The following TTC6 variants were observed in gnomAD, a reference collection of about 807,000 sequenced individuals.
TTC6 encodes tetratricopeptide repeat domain 6, also known as tetratricopeptide repeat protein 6.
Under a neutral mutation model 210.4 loss-of-function variants are expected in TTC6, and 172 were observed. The observed-to-expected ratio is 0.82, with a 90% CI of 0.72 to 0.93. The LOEUF (loss-of-function observed/expected upper bound fraction) is 0.93, where lower values mean the gene tolerates loss of function less well. Ranked by LOEUF, TTC6 falls within the 40% of genes least tolerant of loss-of-function variation. The probability of loss-of-function intolerance (pLI) is 0.00; values close to 1 mark genes in which losing one functional copy is unlikely to be tolerated. For synonymous variants in TTC6, 804 were observed against 819.6 expected, an observed-to-expected ratio of 0.98 and a Z score of 0.32; for missense variants, 2,414 against 2,318.1, an observed-to-expected ratio of 1.04 and a Z score of -0.85.
chr14:37,808,764 C>T, exon 24 of TTC6: 1 of 1,517,864 alleles, frequency 6.6e-7, no homozygotes, highest in Middle Eastern at 1.7e-4. Context: ...GATTTAACTA[C>T]AGCTATCAGC....
intron 1 of TTC6, among the ~76,000 whole-genome samples, chr14:37,655,488 T>C (rs2095720604): frequency 1.3e-5 from 2 of 152,224 alleles, no homozygotes; most frequent in African/African-American, 4.8e-5. Flanking sequence ...CCAAGCAGTC[T>C]TAACCTTTTT....
chr14:37,714,556 T>A (rs2138759820), intron 5 of TTC6, 99 bp from the exon 8 acceptor site: 1 of 907,394 alleles, frequency 1.1e-6, no homozygotes, highest in South Asian at 2.2e-5. Flanking sequence ...ATGTCAAATG[T>A]CCATGTGTTT....
At chr14:37,622,285 G>T (rs1012056279) in exon 1 of TTC6, 9 of 1,534,974 alleles carry the variant, frequency 5.9e-6, no homozygotes, top group Middle Eastern at 1.7e-4. Flanking sequence ...CGGACGTCGA[G>T]AAGATACCCT....
At chr14:37,825,359 C>T (rs921455976) in intron 27 of TTC6, among the ~76,000 whole-genome samples, 2 of 152,136 alleles carry the variant, frequency 1.3e-5, no homozygotes, top group African/African-American at 4.8e-5. Flanking sequence ...GGTCAGGAAA[C>T]AGGGTCTTGT....
At chr14:37,723,151 A>AT (rs1375991505) in intron 6 of TTC6, among the ~76,000 whole-genome samples, 8 of 151,860 alleles carry the variant, frequency 5.3e-5, no homozygotes, top group South Asian at 2.1e-4. Context: ...TCATTGTGGG[A>AT]TTTTTTTTAG....
At chr14:37,682,570 C>A (rs560335706) in intron 2 of TTC6, among the ~76,000 whole-genome samples, 188 bp from the exon 5 acceptor site, 5 of 152,048 alleles carry the variant, frequency 3.3e-5, no homozygotes, top group South Asian at 2.1e-4. Flanking sequence ...AATTTGCCAG[C>A]CTTGACATTT....
At chr14:37,726,517 T>A (rs2095873326) in intron 7 of TTC6, among the ~76,000 whole-genome samples, 1 of 152,188 alleles carries the variant, frequency 6.6e-6, no homozygotes, top group Admixed American at 6.5e-5. Context: ...AGGCCATATT[T>A]TATTTTTAAT....
At chr14:37,682,994 A>T in intron 3 of TTC6, 30 bp downstream of exon 5, 1 of 1,524,382 alleles carries the variant, frequency 6.6e-7, no homozygotes, top group South Asian at 1.2e-5. Flanking sequence ...GGAAACACCT[A>T]AGAGTTATGA....
chr14:37,720,449 A>G lies in TTC6; in HGVS notation c.1714-4449A>G, dbSNP rs181093360. On this transcript the variant is annotated intron_variant, in intron 6 of 30. Coordinates refer to ENST00000553443, the Ensembl canonical transcript of TTC6. ...ATCACAGCTTTATTAATAGAAGCCA[A>G]ACTCTCTGTGGGCTTCTCACAGTGT... is the stretch of plus-strand genomic sequence containing the variant. The G allele has an allele frequency of 7.9e-5, 12 of 152,188 alleles. No individual in the cohort carries two copies. In the East Asian group the frequency reaches 2.3e-3, roughly 29 times the overall value. The allele number at this position is 152,188 out of a possible 1,614,324, so 9.4% of individuals were successfully genotyped here.
At chr14:37,741,081 G>A (rs74731421) in intron 10 of TTC6, among the ~76,000 whole-genome samples, 3,862 of 152,158 alleles carry the variant, frequency 0.025, 80 homozygotes, top group South Asian at 0.083. Flanking sequence ...GGAACCATAG[G>A]ATGAACCTTT....
chr14:37,622,941 G>A, exon 1 of TTC6: 1 of 1,531,270 alleles, frequency 6.5e-7, no homozygotes, highest in Non-Finnish European at 8.7e-7. Context: ...GCTGGCCTCC[G>A]ACCAGACCAT....
At chr14:37,723,760 T>C (rs957154478) in intron 6 of TTC6, among the ~76,000 whole-genome samples, 1 of 152,134 alleles carries the variant, frequency 6.6e-6, no homozygotes, top group Non-Finnish European at 1.5e-5. Context: ...TTGGGTGAGA[T>C]TGTTTCATAC....
intron 15 of TTC6, among the ~76,000 whole-genome samples, 174 bp downstream of exon 17, chr14:37,787,811 G>T (rs2096071257): frequency 6.6e-6 from 1 of 151,282 alleles, no homozygotes; most frequent in South Asian, 2.1e-4. Context: ...TTCTTATATA[G>T]GTATACAATA....
At chr14:37,649,443 C>T (rs555228396) in intron 1 of TTC6, among the ~76,000 whole-genome samples, 1 of 152,162 alleles carries the variant, frequency 6.6e-6, no homozygotes. Flanking sequence ...GTTTTCTTCA[C>T]GTCCCTGCCA....
At chr14:37,622,653 C>T (rs911243174) in exon 1 of TTC6, 1 of 1,535,158 alleles carries the variant, frequency 6.5e-7, no homozygotes, top group Non-Finnish European at 8.7e-7. Flanking sequence ...TCTCGCAGGG[C>T]CCTGCATGGC....
At chr14:37,770,283 A>T (rs994457172) in intron 14 of TTC6, among the ~76,000 whole-genome samples, 1 of 152,072 alleles carries the variant, frequency 6.6e-6, no homozygotes, top group Non-Finnish European at 1.5e-5. Flanking sequence ...TATTCTGTTG[A>T]TTTGGGGTGG....
chr14:37,832,908 A>G (rs1287998523), intron 29 of TTC6, among the ~76,000 whole-genome samples: 1 of 152,090 alleles, frequency 6.6e-6, no homozygotes, highest in Admixed American at 6.6e-5. Context: ...AAATACAAAA[A>G]TTAGCTGTGT....
chr14:37,823,527 C>A (rs1191391284), intron 26 of TTC6, among the ~76,000 whole-genome samples: 2 of 152,156 alleles, frequency 1.3e-5, no homozygotes. Context: ...ATGACCCTTT[C>A]TTGCCATCTT....
chr14:37,816,205 G>C (rs2096141354), intron 25 of TTC6, among the ~76,000 whole-genome samples: 1 of 152,144 alleles, frequency 6.6e-6, no homozygotes, highest in South Asian at 2.1e-4. Flanking sequence ...CACATCTACA[G>C]ATTGGTCTGT....
Sources: gnomAD v4.1 joint callset for allele counts (sites outside exome capture counted in the v4.1 genomes callset) on GRCh38, gnomAD v4.1.1 for gene constraint, MANE v1.5 for transcripts, NCBI Gene and HGNC (gene_info 2026-07-23, HGNC 2026-07-21) for gene names.